The following HDAC9 variants were observed in gnomAD, a reference collection of about 807,000 sequenced individuals.
HDAC9 encodes histone deacetylase 9, also known as MEF-2 interacting transcription repressor (MITR) protein.
Under a neutral mutation model 139.4 loss-of-function variants are expected in HDAC9, and 41 were observed. That is an observed-to-expected ratio of 0.29 (90% CI 0.23 to 0.38). The LOEUF (loss-of-function observed/expected upper bound fraction) is 0.38. Ranked by LOEUF, HDAC9 falls within the 10% of genes least tolerant of loss-of-function variation. The pLI is 1.00. For missense variants in HDAC9, 1,147 were observed against 1,297.0 expected, an observed-to-expected ratio of 0.88 and a Z score of 1.78; for synonymous variants, 517 against 476.2, an observed-to-expected ratio of 1.09 and a Z score of -1.12.
At chr7:18,265,063 C>T (rs1795913718) in intron 2 of HDAC9, among the ~76,000 whole-genome samples, 1 of 152,082 alleles carries the variant, frequency 6.6e-6, no homozygotes, top group African/African-American at 2.4e-5. Flanking sequence ...GTTCAGAGCA[C>T]ATGTGTTTAG....
At chr7:18,608,001 T>C (rs1214671036) in intron 6 of HDAC9, among the ~76,000 whole-genome samples, 1 of 152,084 alleles carries the variant, frequency 6.6e-6, no homozygotes, top group African/African-American at 2.4e-5. Flanking sequence ...CAAAAAATAA[T>C]AATTAAGACT....
At chr7:18,714,079 C>T (rs1784533498) in intron 12 of HDAC9, among the ~76,000 whole-genome samples, 1 of 152,144 alleles carries the variant, frequency 6.6e-6, no homozygotes. Flanking sequence ...AATACACTGT[C>T]ATTTCTTTAT....
rs150536466 is a variant in HDAC9 at position 18,339,849 on chromosome 7, A to G, written c.-42+49334A>G. Among the ~76,000 whole-genome samples, 236 of 151,658 alleles carry G rather than the reference A, an allele frequency of 1.6e-3. 1 individual carries two copies. Among genetic ancestry groups the G allele is most frequent in the African/African-American group, 5.3e-3 (218 of 41,506 alleles). On this transcript the variant is annotated intron_variant, in intron 1 of 3. Coordinates refer to the HDAC9 transcript ENST00000413509. ...ATTTATAGGTAAATATTCAATATGCATTTGAAAAGAATGTGTATTATGCTG... is the reference window on the plus strand; with the variant it reads ...ATTTATAGGTAAATATTCAATATGCGTTTGAAAAGAATGTGTATTATGCTG...
chr7:18,200,124 A>G (rs1411243133), intron 2 of HDAC9, among the ~76,000 whole-genome samples: 1 of 152,212 alleles, frequency 6.6e-6, no homozygotes, highest in African/African-American at 2.4e-5. Flanking sequence ...GAACAAGAAA[A>G]CAATTATCTG....
intron 2 of HDAC9, among the ~76,000 whole-genome samples, chr7:18,175,596 A>G (rs538444052): frequency 6.6e-6 from 1 of 152,274 alleles, no homozygotes; most frequent in South Asian, 2.1e-4. Context: ...CTTGGAACGG[A>G]CCAGTCCATA....
intron 2 of HDAC9, among the ~76,000 whole-genome samples, chr7:18,217,035 A>AT (rs1246343154): frequency 1.3e-5 from 2 of 152,104 alleles, no homozygotes; most frequent in Admixed American, 6.6e-5. Context: ...ATATTTTTCC[A>AT]TTCCTTCAAT....
chr7:18,205,805 T>C (rs1017895297), intron 2 of HDAC9, among the ~76,000 whole-genome samples: 1 of 152,142 alleles, frequency 6.6e-6, no homozygotes, highest in African/African-American at 2.4e-5. Flanking sequence ...TGGATATTAT[T>C]TGTGACAGTC....
At chr7:18,713,444 GTTAA>G (rs1784486344) in intron 12 of HDAC9, among the ~76,000 whole-genome samples, 1 of 152,056 alleles carries the variant, frequency 6.6e-6, no homozygotes, top group Non-Finnish European at 1.5e-5. Flanking sequence ...TAACATATAT[GTTAA>G]TTAGATTGAT....
chr7:18,710,415 T>G (rs1784257749), intron 12 of HDAC9, among the ~76,000 whole-genome samples: 1 of 152,216 alleles, frequency 6.6e-6, no homozygotes, highest in South Asian at 2.1e-4. Context: ...CTAATTTTAC[T>G]TCAGAATGAT....
intron 2 of HDAC9, among the ~76,000 whole-genome samples, chr7:18,529,341 G>C (rs1445800790): frequency 6.6e-6 from 1 of 152,136 alleles, no homozygotes; most frequent in African/African-American, 2.4e-5. Context: ...GGGCATAAAA[G>C]CAAATCAAAA....
intron 1 of HDAC9, among the ~76,000 whole-genome samples, chr7:18,421,549 T>A (rs1438491741): frequency 6.6e-6 from 1 of 152,060 alleles, no homozygotes; most frequent in Non-Finnish European, 1.5e-5. Flanking sequence ...ACAATTATTT[T>A]TATGTCTGGA....
At chr7:18,396,122 C>CCCTTCCCTTCCCTTCCTTCTTT (rs1787025519) in intron 1 of HDAC9, among the ~76,000 whole-genome samples, 1 of 123,946 alleles carries the variant, frequency 8.1e-6, no homozygotes, top group Admixed American at 9.6e-5. Flanking sequence ...CCCTTCCCTT[C>CCCTTCCCTTCCCTTCCTTCTTT]CCTTCCCTTG....
At chr7:18,949,077 T>G in intron 23 of HDAC9, 1 of 360,176 alleles carries the variant, frequency 2.8e-6, no homozygotes, top group Non-Finnish European at 5.3e-6. Flanking sequence ...TTTAGCGTTT[T>G]GGGAGGGTTT....
intron 17 of HDAC9, among the ~76,000 whole-genome samples, chr7:18,828,383 GATTT>G (rs1795610118): frequency 6.6e-6 from 1 of 152,194 alleles, no homozygotes; most frequent in Non-Finnish European, 1.5e-5. Context: ...GCTTTGCAAG[GATTT>G]ATAGTTCCCT....
At chr7:18,629,301 C>T (rs995417244) in intron 6 of HDAC9, 49 bp from the exon 7 acceptor site, 3 of 1,469,748 alleles carry the variant, frequency 2.0e-6, no homozygotes, top group African/African-American at 2.9e-5. Context: ...AATTGGCTCT[C>T]TATTTTTTTA....
chr7:18,165,589 C>G lies in HDAC9; in HGVS notation c.25+3240C>G, dbSNP rs553545100. ...ATTGCTTGAGCCCCGGGGTTCGAGA[C>G]TAGCCTGGGCAATATGGTGAGATCC... On this transcript the variant is annotated intron_variant, in intron 2 of 12. Transcript: ENST00000417496. Among the ~76,000 whole-genome samples, 15 of 152,110 alleles carry G rather than the reference C, an allele frequency of 9.9e-5. No individual in the cohort carries two copies. The South Asian group carries it at 3.1e-3, about 32-fold the overall frequency.
At chr7:18,348,571 T>TGCATAATG in intron 1 of HDAC9, among the ~76,000 whole-genome samples, 1 of 152,182 alleles carries the variant, frequency 6.6e-6, no homozygotes, top group East Asian at 1.9e-4. Flanking sequence ...ATTTTTACTA[T>TGCATAATG]ACACCAAGAT....
At chr7:18,834,424 T>C (rs1796075595) in intron 19 of HDAC9, among the ~76,000 whole-genome samples, 1 of 151,470 alleles carries the variant, frequency 6.6e-6, no homozygotes, top group Non-Finnish European at 1.5e-5. Flanking sequence ...ACATTTAAAA[T>C]AATGCTATTA....
At chr7:18,371,179 G>A (rs745600408) in intron 1 of HDAC9, among the ~76,000 whole-genome samples, 19 of 152,250 alleles carry the variant, frequency 1.2e-4, no homozygotes, top group East Asian at 3.9e-4. Context: ...CAGTTGCTCC[G>A]CAGCAATAAT....
Sources: gnomAD v4.1 joint callset for allele counts (sites outside exome capture counted in the v4.1 genomes callset) on GRCh38, gnomAD v4.1.1 for gene constraint, MANE v1.5 for transcripts, NCBI Gene and HGNC (gene_info 2026-07-23, HGNC 2026-07-21) for gene names.